The following SLC8A1 variants were observed in gnomAD, a reference collection of about 807,000 sequenced individuals.
The protein encoded by SLC8A1 is solute carrier family 8 member A1.
A neutral mutation model predicts 68.3 loss-of-function variants in SLC8A1; 18 were observed. The observed-to-expected ratio is 0.26, with a 90% CI of 0.18 to 0.39. The LOEUF (loss-of-function observed/expected upper bound fraction) is 0.39. Ranked by LOEUF, SLC8A1 falls within the 10% of genes least tolerant of loss-of-function variation. The pLI is 1.00. For missense variants in SLC8A1, 985 were observed against 1,156.7 expected (o/e 0.85, Z 2.15); for synonymous variants, 475 against 415.5 (o/e 1.14, Z -1.74).
At chr2:40,116,758 C>G (rs181049797) in intron 7 of SLC8A1, 1 of 152,334 alleles carries the variant, frequency 6.6e-6, no homozygotes, top group Admixed American at 6.5e-5. Flanking sequence ...GCTGTGGGCA[C>G]CAATGATCAT....
At chr2:40,244,895 G>A (rs2061661909) in intron 2 of SLC8A1, among the ~76,000 whole-genome samples, 1 of 152,114 alleles carries the variant, frequency 6.6e-6, no homozygotes. Flanking sequence ...GAATGTCTGG[G>A]GGATAAGTCC....
At chr2:40,485,090 C>T (rs987457999) in intron 1 of SLC8A1, among the ~76,000 whole-genome samples, 1 of 152,052 alleles carries the variant, frequency 6.6e-6, no homozygotes. Flanking sequence ...TCCCCAGCCA[C>T]ATTCAATCTG....
At chr2:40,236,074 C>A (rs1055451946) in intron 2 of SLC8A1, among the ~76,000 whole-genome samples, 1 of 152,030 alleles carries the variant, frequency 6.6e-6, no homozygotes, top group African/African-American at 2.4e-5. Flanking sequence ...AATGTATATT[C>A]TGTTGATTTG....
At chr2:40,441,869 T>C (rs1180484600) in intron 1 of SLC8A1, among the ~76,000 whole-genome samples, 1 of 152,026 alleles carries the variant, frequency 6.6e-6, no homozygotes, top group Non-Finnish European at 1.5e-5. Flanking sequence ...AAAGACTTCA[T>C]GACTACATCA....
chr2:40,496,707 C>T (rs1391202063), intron 1 of SLC8A1, among the ~76,000 whole-genome samples: 3 of 152,010 alleles, frequency 2.0e-5, no homozygotes, highest in Non-Finnish European at 4.4e-5. Context: ...AAATAGACTG[C>T]ATATTTTGCA....
At chr2:40,335,524 A>G (rs1218703880) in intron 2 of SLC8A1, among the ~76,000 whole-genome samples, 2 of 152,264 alleles carry the variant, frequency 1.3e-5, no homozygotes, top group Non-Finnish European at 2.9e-5. Flanking sequence ...GACTGACTTA[A>G]TAAACTAACT....
intron 2 of SLC8A1, among the ~76,000 whole-genome samples, chr2:40,248,077 A>G (rs562678878): frequency 1.3e-5 from 2 of 152,294 alleles, no homozygotes; most frequent in African/African-American, 4.8e-5. Context: ...TACACCAAAA[A>G]TTGTTTATGG....
chr2:40,333,181 A>G (rs189318941), intron 2 of SLC8A1, among the ~76,000 whole-genome samples: 70 of 152,262 alleles, frequency 4.6e-4, no homozygotes, highest in Admixed American at 1.6e-3. Flanking sequence ...GCTCACGCCT[A>G]TAATCCCAGC....
At chr2:40,121,169 G>T (rs1290897043) in intron 7 of SLC8A1, among the ~76,000 whole-genome samples, 4 of 152,162 alleles carry the variant, frequency 2.6e-5, no homozygotes, top group African/African-American at 9.7e-5. Flanking sequence ...TCTCTCTTGG[G>T]CATCCCTGCT....
At chr2:40,133,609 C>A (rs75654642) in intron 7 of SLC8A1, among the ~76,000 whole-genome samples, 90 of 151,964 alleles carry the variant, frequency 5.9e-4, no homozygotes, top group South Asian at 1.7e-3. Context: ...CAGCTGGTAG[C>A]AGGAACTAGT....
chr2:40,145,902 C>A (rs928571474), intron 6 of SLC8A1, among the ~76,000 whole-genome samples: 1 of 152,248 alleles, frequency 6.6e-6, no homozygotes, highest in Non-Finnish European at 1.5e-5. Flanking sequence ...TCTCTTCCCA[C>A]TCTTAATGGC....
At chr2:40,241,600 C>T (rs891526898) in intron 2 of SLC8A1, among the ~76,000 whole-genome samples, 1 of 152,324 alleles carries the variant, frequency 6.6e-6, no homozygotes, top group East Asian at 1.9e-4. Flanking sequence ...CCTCCCCTAA[C>T]CTTGAGGTGT....
chr2:40,480,365 G>A (rs536978258), intron 1 of SLC8A1, among the ~76,000 whole-genome samples: 2 of 152,168 alleles, frequency 1.3e-5, no homozygotes, highest in South Asian at 4.1e-4. Flanking sequence ...TTCATTAAAG[G>A]GATTAGTGTC....
chr2:40,399,167 G>C (rs1352297251), intron 2 of SLC8A1, among the ~76,000 whole-genome samples: 1 of 152,138 alleles, frequency 6.6e-6, no homozygotes, highest in Non-Finnish European at 1.5e-5. Flanking sequence ...ATTTAGAACA[G>C]AACTGCAGAA....
intron 1 of SLC8A1, among the ~76,000 whole-genome samples, chr2:40,480,905 C>T (rs115919730): frequency 0.014 from 2,075 of 152,204 alleles, 40 homozygotes; most frequent in African/African-American, 0.047. Flanking sequence ...TGAAGAGATT[C>T]GTAGTAGCCA....
intron 7 of SLC8A1, among the ~76,000 whole-genome samples, chr2:40,125,002 T>C (rs1457857112): frequency 6.6e-6 from 1 of 152,230 alleles, no homozygotes; most frequent in African/African-American, 2.4e-5. Flanking sequence ...TGAATGTAGA[T>C]GGTGGTGAGA....
intron 2 of SLC8A1, among the ~76,000 whole-genome samples, chr2:40,179,067 C>T (rs746424423): frequency 6.6e-6 from 1 of 152,074 alleles, no homozygotes; most frequent in Non-Finnish European, 1.5e-5. Context: ...TTATTTCACC[C>T]CACCCAATGT....
intron 2 of SLC8A1, among the ~76,000 whole-genome samples, chr2:40,344,810 T>G (rs10490050): frequency 0.041 from 6,281 of 152,218 alleles, 189 homozygotes; most frequent in African/African-American, 0.075. Flanking sequence ...ATTCCCAGAC[T>G]AATCTTAAGA....
chr2:40,297,919 G>T (rs143847077), intron 2 of SLC8A1, among the ~76,000 whole-genome samples: 2 of 151,978 alleles, frequency 1.3e-5, no homozygotes, highest in African/African-American at 2.4e-5. Context: ...TCACTGTGTC[G>T]CCCAGGCTGG....
Sources: allele counts gnomAD v4.1 joint callset (sites outside exome capture counted in the v4.1 genomes callset), GRCh38; gene constraint gnomAD v4.1.1; transcripts MANE v1.5; gene names NCBI Gene and HGNC (gene_info 2026-07-23, HGNC 2026-07-21).